Variants in GABRG3 observed in about 807,000 individuals in gnomAD.
GABRG3 encodes gamma-aminobutyric acid receptor subunit gamma-3.
In GABRG3, 25 loss-of-function variants were observed where a neutral mutation model predicts 48.8. The ratio of observed to expected loss-of-function variants is 0.51; its 90% confidence interval spans 0.37 to 0.72. GABRG3 has a LOEUF of 0.72. GABRG3 is among the 30% of genes least tolerant of loss of function. GABRG3 has a pLI of 0.00. For synonymous variants in GABRG3, 227 were observed against 217.6 expected (o/e 1.04, Z -0.38); for missense variants, 394 against 577.9 (o/e 0.68, Z 3.26).
intron 6 of GABRG3, among the ~76,000 whole-genome samples, chr15:27,491,452 G>A (rs763879673): frequency 3.9e-5 from 6 of 152,172 alleles, no homozygotes; most frequent in Admixed American, 1.3e-4. Flanking sequence ...CTTCCTGTCC[G>A]TAGGGGGTTT....
At chr15:27,349,639 CCTT>C (rs768879190) in intron 5 of GABRG3, among the ~76,000 whole-genome samples, 1 of 152,176 alleles carries the variant, frequency 6.6e-6, no homozygotes, top group Non-Finnish European at 1.5e-5. Context: ...TGCTCTGTCT[CCTT>C]CTCCTTGCAA....
At chr15:27,026,079 A>T (rs1051289141) in intron 2 of GABRG3, among the ~76,000 whole-genome samples, 12 of 152,354 alleles carry the variant, frequency 7.9e-5, no homozygotes, top group Middle Eastern at 3.4e-3. Flanking sequence ...CGTTAGAGAG[A>T]TCAACCTGTG....
rs1887847931 is a variant in GABRG3 at position 27,179,285 on chromosome 15, CAGG to C, written c.271-147521_271-147519del. On this transcript the variant is annotated intron_variant, in intron 3 of 9. Transcript: ENST00000615808. The surrounding 1 kb of genome is among the most constrained non-coding windows in gnomAD (Gnocchi z 4.0). ...CCCGCGTGGCAATCCACCTTCCCCT[CAGG>C]AGCAGCTGTAACAATTTCCCACATG... Among the ~76,000 whole-genome samples the C allele has an allele frequency of 6.6e-6, 1 of 152,216 alleles. No homozygotes were observed. Among genetic ancestry groups the C allele is most frequent in the Admixed American group, 6.5e-5 (1 of 15,282 alleles).
chr15:27,309,991 T>C (rs1044331500), intron 3 of GABRG3, among the ~76,000 whole-genome samples: 1 of 152,116 alleles, frequency 6.6e-6, no homozygotes, highest in East Asian at 1.9e-4. Context: ...TAAAAAATAA[T>C]GAACTTTTAA....
At chr15:27,389,791 C>T (rs945984489) in intron 5 of GABRG3, among the ~76,000 whole-genome samples, 2 of 152,176 alleles carry the variant, frequency 1.3e-5, no homozygotes, top group African/African-American at 4.8e-5. Context: ...TTCATCGCTT[C>T]CTTTAACAAA....
chr15:27,293,186 A>G (rs1891851154), intron 3 of GABRG3, among the ~76,000 whole-genome samples: 1 of 152,214 alleles, frequency 6.6e-6, no homozygotes, highest in African/African-American at 2.4e-5. Flanking sequence ...ACCAAAGATG[A>G]TGGTGGATGA....
intron 3 of GABRG3, among the ~76,000 whole-genome samples, chr15:27,150,743 C>T (rs528412658): frequency 1.3e-5 from 2 of 152,350 alleles, no homozygotes; most frequent in South Asian, 4.1e-4. Flanking sequence ...TGGCAGAGTG[C>T]AGATGAGGGA....
intron 3 of GABRG3, among the ~76,000 whole-genome samples, chr15:27,317,640 C>T (rs1037402064): frequency 1.3e-5 from 2 of 152,272 alleles, no homozygotes; most frequent in Admixed American, 6.5e-5. Flanking sequence ...GAGGGTAAAA[C>T]GTGATTTGAC....
At chr15:27,356,262 G>A (rs1013029936) in intron 5 of GABRG3, among the ~76,000 whole-genome samples, 1 of 151,820 alleles carries the variant, frequency 6.6e-6, no homozygotes, top group Non-Finnish European at 1.5e-5. Context: ...TATGAGGGAA[G>A]GGTAGGGGGT....
At chr15:27,218,428 G>C (rs975694692) in intron 3 of GABRG3, among the ~76,000 whole-genome samples, 1 of 152,162 alleles carries the variant, frequency 6.6e-6, no homozygotes, top group Non-Finnish European at 1.5e-5. Context: ...TTCTGCACTT[G>C]TTGATTCTCA....
intron 5 of GABRG3, among the ~76,000 whole-genome samples, chr15:27,384,580 T>C (rs552311642): frequency 9.5e-4 from 145 of 152,342 alleles, no homozygotes; most frequent in African/African-American, 3.0e-3. Context: ...AGATAAATTA[T>C]GAATATTAGA....
intron 5 of GABRG3, among the ~76,000 whole-genome samples, chr15:27,370,533 G>T (rs1294217158): frequency 6.6e-6 from 1 of 152,132 alleles, no homozygotes; most frequent in Non-Finnish European, 1.5e-5. Context: ...CTGGGATCCT[G>T]GTCCAGCAGA....
chr15:27,340,800 A>G (rs1015664147), intron 5 of GABRG3: 6 of 187,152 alleles, frequency 3.2e-5, no homozygotes, highest in African/African-American at 1.2e-4. Flanking sequence ...GGGGCAGACA[A>G]ACCCTGGAGA....
intron 3 of GABRG3, among the ~76,000 whole-genome samples, chr15:27,125,469 C>G (rs1017639981): frequency 6.6e-6 from 1 of 152,064 alleles, no homozygotes; most frequent in African/African-American, 2.4e-5. Context: ...TTTCAAGAAG[C>G]TAAAAGAGAA....
intron 3 of GABRG3, among the ~76,000 whole-genome samples, chr15:27,189,551 A>T (rs1888223683): frequency 6.6e-6 from 1 of 151,840 alleles, no homozygotes; most frequent in Non-Finnish European, 1.5e-5. Context: ...GTGTATAAGA[A>T]TGCTTGTGAT....
chr15:26,979,592 C>T (rs1895015551), intron 2 of GABRG3, among the ~76,000 whole-genome samples: 1 of 152,050 alleles, frequency 6.6e-6, no homozygotes, highest in Non-Finnish European at 1.5e-5. Context: ...CTTTGAATTT[C>T]ACCAAAGACT....
chr15:27,538,568 C>A lies in GABRG3; in HGVS notation c.*5687C>A, dbSNP rs1891600033. 1 of 152,210 alleles carries A rather than the reference C, an allele frequency of 6.6e-6. No individual in the cohort carries two copies. The highest frequency in any genetic ancestry group is 6.5e-5 in the Admixed American group (1 of 15,288). 9.4% of individuals were successfully genotyped at this position (152,210 alleles called of 1,614,324 possible). A position where few individuals can be genotyped will look rare whatever the true frequency, so the allele number is the denominator to read the frequency against. ...CACAGGGTTTTTCCAGCCCAGTGAG[C>A]AGGCTACACAATGTGAGGATGATAA... is the stretch of plus-strand genomic sequence containing the variant. On this transcript the variant is annotated 3_prime_UTR_variant, in exon 10 of 10. Transcript: ENST00000615808.
chr15:27,061,446 C>CTTTTTTT (rs35770540), intron 3 of GABRG3, among the ~76,000 whole-genome samples: 1 of 142,676 alleles, frequency 7.0e-6, no homozygotes. Context: ...GGTAACTGCT[C>CTTTTTTT]TTTTTTTTTT....
intron 5 of GABRG3, among the ~76,000 whole-genome samples, chr15:27,423,240 G>A (rs1436992132): frequency 9.8e-4 from 52 of 53,014 alleles, no homozygotes; most frequent in African/African-American, 3.3e-3. Context: ...AAGTCATTAT[G>A]ATAAAAAAAA....
Sources: gnomAD v4.1 joint callset for allele counts (sites outside exome capture counted in the v4.1 genomes callset) on GRCh38, gnomAD v4.1.1 for gene constraint, Gnocchi (gnomAD v3.1) non-coding constraint, MANE v1.5 for transcripts, NCBI Gene and HGNC (gene_info 2026-07-23, HGNC 2026-07-21) for gene names.